The following ADAMTSL1 variants were observed in gnomAD, a reference collection of about 807,000 sequenced individuals.
The protein encoded by ADAMTSL1 is ADAMTS-like protein 1.
ADAMTSL1 carries 126 observed loss-of-function variants against 201.8 expected under a neutral mutation model. The ratio of observed to expected loss-of-function variants is 0.62; its 90% CI spans 0.54 to 0.72. The LOEUF (loss-of-function observed/expected upper bound fraction) is 0.72, where lower values mean the gene tolerates loss of function less well. ADAMTSL1 is among the 30% of genes least tolerant of loss of function. The pLI is 0.00. For synonymous variants in ADAMTSL1, 1,121 were observed against 903.4 expected, an observed-to-expected ratio of 1.24 and a Z score of -4.32; for missense variants, 2,679 against 2,277.8, an observed-to-expected ratio of 1.18 and a Z score of -3.59.
chr9:18,695,395 A>G (rs558941761), intron 13 of ADAMTSL1, among the ~76,000 whole-genome samples: 8 of 152,302 alleles, frequency 5.3e-5, no homozygotes, highest in African/African-American at 1.9e-4. Context: ...CTTTTCTACC[A>G]CATAGGCTGC....
intron 5 of ADAMTSL1, among the ~76,000 whole-genome samples, chr9:18,630,666 T>C (rs1564102596): frequency 2.0e-5 from 3 of 152,272 alleles, no homozygotes; most frequent in South Asian, 4.1e-4. Context: ...TTGCTGCCCT[T>C]TTTTGCCTGA....
At chr9:18,477,862 A>T (rs995915503) in intron 1 of ADAMTSL1, among the ~76,000 whole-genome samples, 4 of 152,150 alleles carry the variant, frequency 2.6e-5, no homozygotes, top group Non-Finnish European at 4.4e-5. Context: ...ACATAACACC[A>T]TTTCTGTTGC....
intron 2 of ADAMTSL1, among the ~76,000 whole-genome samples, chr9:18,277,401 A>G (rs1832626530): frequency 6.6e-6 from 1 of 152,102 alleles, no homozygotes; most frequent in African/African-American, 2.4e-5. Context: ...TGTTAATAAT[A>G]TTTGGTTTAT....
chr9:18,434,710 T>A (rs1365530962), intron 2 of ADAMTSL1, among the ~76,000 whole-genome samples: 3 of 152,188 alleles, frequency 2.0e-5, no homozygotes, highest in Non-Finnish European at 4.4e-5. Context: ...CCACCCTGAA[T>A]TGAAACACTC....
chr9:18,885,650 C>G (rs185115489), intron 23 of ADAMTSL1, among the ~76,000 whole-genome samples: 1 of 152,268 alleles, frequency 6.6e-6, no homozygotes, highest in East Asian at 1.9e-4. Context: ...ACATCCCATA[C>G]TGAGCTTCCA....
intron 2 of ADAMTSL1, among the ~76,000 whole-genome samples, chr9:18,384,771 C>T (rs1046582874): frequency 2.6e-5 from 4 of 152,156 alleles, no homozygotes; most frequent in Admixed American, 2.0e-4. Flanking sequence ...CTACAGAGCA[C>T]CTTAATGCGG....
intron 2 of ADAMTSL1, among the ~76,000 whole-genome samples, chr9:18,518,850 G>A (rs1818517564): frequency 6.6e-6 from 1 of 152,184 alleles, no homozygotes; most frequent in South Asian, 2.1e-4. Flanking sequence ...TGGGATTACA[G>A]GCATGCGCCA....
Position 18,736,174 on chromosome 9 carries a change from AG to A in ADAMTSL1, c.2006+14511del, listed in dbSNP as rs200449749. ...ATGCCAAAATTCTAATATGAAGTAG[AG>A]GCTGCTTTGGAGCCAGATCTCCCTC... On this transcript the variant is annotated intron_variant, in intron 15 of 28. Transcript: ENST00000380548. Among the ~76,000 whole-genome samples, 1,162 of 152,322 alleles carry A rather than the reference AG, an allele frequency of 7.6e-3. 12 individuals are homozygous for A. Among genetic ancestry groups the A allele is most frequent in the African/African-American group, 0.027 (1,109 of 41,572 alleles).
intron 1 of ADAMTSL1, among the ~76,000 whole-genome samples, chr9:18,084,896 A>G (rs896369641): frequency 2.0e-5 from 3 of 152,218 alleles, no homozygotes; most frequent in African/African-American, 7.2e-5. Flanking sequence ...TTAGGGATAA[A>G]AATAAAGCTT....
chr9:18,498,047 A>C (rs1822619593), intron 1 of ADAMTSL1, among the ~76,000 whole-genome samples: 1 of 152,188 alleles, frequency 6.6e-6, no homozygotes, highest in African/African-American at 2.4e-5. Context: ...GAAAAGCAAC[A>C]CCATTCATTG....
At chr9:18,260,087 T>C (rs1391914902) in intron 2 of ADAMTSL1, among the ~76,000 whole-genome samples, 6 of 152,186 alleles carry the variant, frequency 3.9e-5, no homozygotes, top group African/African-American at 9.7e-5. Flanking sequence ...TCAGGGCAAA[T>C]CTTCACACTA....
rs80314048 is a variant in ADAMTSL1, at chr9:18,889,760, G to A, written c.4643+12G>A. ...GACTGCCCTTCTCGGTGAGTGCAGC[G>A]GACACTGGCTCAGACCTCCCCACCC... On this transcript the variant is annotated intron_variant, in intron 25 of 28. Transcript: ENST00000380548. 72,837 of 1,472,648 alleles carry A rather than the reference G, an allele frequency of 0.049. 2,234 individuals carry two copies. The highest frequency in any genetic ancestry group is 0.13 in the African/African-American group (9,121 of 69,470). 91.2% of individuals were successfully genotyped at this position (1,472,648 alleles called of 1,614,324 possible).
intron 3 of ADAMTSL1, among the ~76,000 whole-genome samples, chr9:18,546,601 G>A (rs145246880): frequency 1.3e-5 from 2 of 152,008 alleles, no homozygotes; most frequent in Non-Finnish European, 2.9e-5. Context: ...AGATATCACT[G>A]TTTTACAATG....
intron 5 of ADAMTSL1, among the ~76,000 whole-genome samples, chr9:18,632,288 T>C (rs1447298727): frequency 6.6e-6 from 1 of 152,240 alleles, no homozygotes; most frequent in Non-Finnish European, 1.5e-5. Flanking sequence ...CAAAAGTGGC[T>C]TTTTATGAAC....
At chr9:18,591,520 T>C (rs1206873098) in intron 4 of ADAMTSL1, among the ~76,000 whole-genome samples, 1 of 152,142 alleles carries the variant, frequency 6.6e-6, no homozygotes, top group Non-Finnish European at 1.5e-5. Context: ...ACATTTAATG[T>C]TATTATCGAT....
chr9:18,182,589 T>A (rs1047660317), intron 2 of ADAMTSL1, among the ~76,000 whole-genome samples: 1 of 152,122 alleles, frequency 6.6e-6, no homozygotes, highest in Non-Finnish European at 1.5e-5. Flanking sequence ...TAAGGCAAAG[T>A]GAGAGATAAA....
At chr9:18,542,375 C>T (rs1820205510) in intron 3 of ADAMTSL1, among the ~76,000 whole-genome samples, 1 of 152,130 alleles carries the variant, frequency 6.6e-6, no homozygotes, top group South Asian at 2.1e-4. Flanking sequence ...TTCCTCATTA[C>T]CTGTTATGTT....
At chr9:18,411,376 T>C (rs1214753844) in intron 2 of ADAMTSL1, among the ~76,000 whole-genome samples, 4 of 151,604 alleles carry the variant, frequency 2.6e-5, no homozygotes. Context: ...ATTTTTGTTT[T>C]TTTATAGAGA....
chr9:18,244,966 A>G (rs562947969), intron 2 of ADAMTSL1, among the ~76,000 whole-genome samples: 2 of 152,316 alleles, frequency 1.3e-5, no homozygotes, highest in East Asian at 3.9e-4. Context: ...TGTCCCAAAC[A>G]ACTACTAAAA....
Sources: allele counts gnomAD v4.1 joint callset (sites outside exome capture counted in the v4.1 genomes callset), GRCh38; gene constraint gnomAD v4.1.1; transcripts MANE v1.5; gene names NCBI Gene and HGNC (gene_info 2026-07-23, HGNC 2026-07-21).